The following BLVRA variants were observed in gnomAD, a reference collection of about 807,000 sequenced individuals.
BLVRA encodes biliverdin reductase A, also known as BVR A.
BLVRA carries 22 observed loss-of-function variants against 32.8 expected under a neutral mutation model. That is an observed-to-expected ratio of 0.67 (90% CI 0.48 to 0.96). The LOEUF (loss-of-function observed/expected upper bound fraction) is 0.96. Ranked by LOEUF, BLVRA falls within the 40% of genes least tolerant of loss-of-function variation. BLVRA has a pLI of 0.00. For synonymous variants in BLVRA, 119 were observed against 141.3 expected (o/e 0.84, Z 1.12); for missense variants, 323 against 358.1 (o/e 0.90, Z 0.79).
intron 2 of BLVRA, among the ~76,000 whole-genome samples, chr7:43,776,297 CTA>C (rs1054239453): frequency 5.3e-5 from 8 of 151,516 alleles, no homozygotes; most frequent in African/African-American, 1.9e-4. Flanking sequence ...AAATTTCCCT[CTA>C]CACACTGCTT....
At chr7:43,758,887 T>TGCCCCGCCCC (rs892577976) in intron 1 of BLVRA, among the ~76,000 whole-genome samples, 153 bp downstream of exon 1, 8 of 151,290 alleles carry the variant, frequency 5.3e-5, no homozygotes, top group African/African-American at 1.5e-4. Context: ...GGGCGCCGCC[T>TGCCCCGCCCC]GCCCCGCCCC....
intron 5 of BLVRA, among the ~76,000 whole-genome samples, chr7:43,799,322 C>T (rs140209529): frequency 6.6e-5 from 10 of 152,232 alleles, no homozygotes; most frequent in Non-Finnish European, 1.0e-4. Flanking sequence ...CTGTCTGTTT[C>T]AGTGAAACTG....
chr7:43,788,059 T>C (rs2095780354), intron 3 of BLVRA, 34 bp downstream of exon 3: 1 of 1,614,030 alleles, frequency 6.2e-7, no homozygotes, highest in African/African-American at 1.3e-5. Flanking sequence ...TCATAATTCA[T>C]GGAAAGCCCA....
At chr7:43,792,685 C>G (rs2095787445) in intron 4 of BLVRA, 30 bp from the exon 5 acceptor site, 1 of 1,583,140 alleles carries the variant, frequency 6.3e-7, no homozygotes, top group African/African-American at 1.3e-5. Flanking sequence ...TCGAAGTGTT[C>G]TTTCTCTGTA....
intron 4 of BLVRA, 83 bp from the exon 5 acceptor site, chr7:43,792,632 A>G: frequency 7.5e-7 from 1 of 1,331,968 alleles, no homozygotes; most frequent in Non-Finnish European, 1.1e-6. Context: ...TGCCTTTATA[A>G]CATTCTGTTC....
intron 2 of BLVRA, among the ~76,000 whole-genome samples, chr7:43,776,561 A>G (rs947945703): frequency 6.6e-6 from 1 of 152,120 alleles, no homozygotes; most frequent in Non-Finnish European, 1.5e-5. Flanking sequence ...TTTACTTCCA[A>G]CTGTGTGGTC....
At chr7:43,776,515 T>C (rs914216222) in intron 2 of BLVRA, among the ~76,000 whole-genome samples, 4 of 152,242 alleles carry the variant, frequency 2.6e-5, no homozygotes, top group Admixed American at 1.3e-4. Flanking sequence ...GACAGTTTGT[T>C]ATAATTTCTG....
rs2095776245 is a variant in BLVRA, at chr7:43,785,452, C to G, written c.13-2452C>G. Among the ~76,000 whole-genome samples, 3 of 152,204 alleles carry G rather than the reference C, an allele frequency of 2.0e-5. No individual in the cohort carries two copies. The South Asian group carries it at 6.2e-4, about 32-fold the overall frequency. ...CCTTCCTATACTCTTCCCTGACTTC[C>G]AGAAGAGAAGCCAGGAACTAGGTCT... is the stretch of plus-strand genomic sequence containing the variant. On this transcript the variant is annotated intron_variant, in intron 2 of 7. Transcript: ENST00000265523.
At chr7:43,762,606 C>CTTTTTTTT (rs1162480081) in intron 1 of BLVRA, among the ~76,000 whole-genome samples, 1 of 100,870 alleles carries the variant, frequency 9.9e-6, no homozygotes, top group Non-Finnish European at 1.8e-5. Flanking sequence ...CCAGTAGTTC[C>CTTTTTTTT]TTTTTTTTTT....
chr7:43,792,171 A>G (rs757883308), intron 4 of BLVRA, among the ~76,000 whole-genome samples: 6 of 152,198 alleles, frequency 3.9e-5, no homozygotes, highest in Non-Finnish European at 7.3e-5. Flanking sequence ...CACGGCCTGT[A>G]GTCCACTCCC....
intron 5 of BLVRA, among the ~76,000 whole-genome samples, chr7:43,793,775 C>G (rs1178962388): frequency 6.6e-6 from 1 of 151,894 alleles, no homozygotes. Flanking sequence ...AGGCGCCCAC[C>G]ACCATGCCCA....
intron 5 of BLVRA, among the ~76,000 whole-genome samples, chr7:43,798,802 T>C (rs544498938): frequency 3.3e-5 from 5 of 152,292 alleles, no homozygotes; most frequent in Admixed American, 3.3e-4. Context: ...TACGGATGTG[T>C]GTGTGTACTG....
intron 2 of BLVRA, among the ~76,000 whole-genome samples, chr7:43,780,248 C>G (rs928757284): frequency 2.6e-5 from 4 of 152,168 alleles, no homozygotes; most frequent in Non-Finnish European, 4.4e-5. Flanking sequence ...TCACCTGCCC[C>G]AAATCTGCTC....
chr7:43,766,386 A>G (rs2095747968), intron 1 of BLVRA, among the ~76,000 whole-genome samples: 1 of 152,140 alleles, frequency 6.6e-6, no homozygotes, highest in South Asian at 2.1e-4. Context: ...GCATAATACT[A>G]AAAGTTAGAA....
At chr7:43,793,039 C>A (rs1166533412) in intron 5 of BLVRA, among the ~76,000 whole-genome samples, 1 of 152,190 alleles carries the variant, frequency 6.6e-6, no homozygotes, top group Non-Finnish European at 1.5e-5. Flanking sequence ...ATTTTACTCA[C>A]TCTAAGGAAA....
At position 43,804,867 on chromosome 7, in the gene BLVRA, A is replaced by G. The variant is rs148154491; in HGVS notation, c.632+1020A>G. On this transcript the variant is annotated intron_variant, in intron 7 of 7. Coordinates refer to ENST00000265523, the MANE Select transcript of BLVRA (RefSeq NM_000712.4). ...TCTCCTGGTAGTAAAAGAAGCAGAC[A>G]CTGGGTATTTTAAAAAGAAAAAAGA... Among the ~76,000 whole-genome samples, 3 of 152,328 alleles carry G rather than the reference A, an allele frequency of 2.0e-5. No individual in the cohort carries two copies. In the East Asian group the frequency reaches 5.8e-4, roughly 29 times the overall value.
chr7:43,793,902 A>G (rs1201192064), intron 5 of BLVRA, among the ~76,000 whole-genome samples: 1 of 151,140 alleles, frequency 6.6e-6, no homozygotes, highest in East Asian at 2.0e-4. Context: ...GATTACAGGC[A>G]TGAGTGACCG....
intron 2 of BLVRA, among the ~76,000 whole-genome samples, chr7:43,773,049 G>A (rs1585716292): frequency 1.3e-5 from 2 of 151,912 alleles, no homozygotes; most frequent in Admixed American, 6.6e-5. Flanking sequence ...CTTTCTCATC[G>A]ATATTTCAAA....
chr7:43,802,708 C>T (rs1476531851), intron 6 of BLVRA, among the ~76,000 whole-genome samples: 1 of 152,070 alleles, frequency 6.6e-6, no homozygotes, highest in African/African-American at 2.4e-5. Flanking sequence ...GCTATGTTGC[C>T]TAGGCTGGTC....
Sources: allele counts gnomAD v4.1 joint callset (sites outside exome capture counted in the v4.1 genomes callset), GRCh38; gene constraint gnomAD v4.1.1; transcripts MANE v1.5; gene names NCBI Gene and HGNC (gene_info 2026-07-23, HGNC 2026-07-21).